The following DAPK1 variants were observed in gnomAD, a reference collection of about 807,000 sequenced individuals.
DAPK1 encodes the protein death associated protein kinase 1.
Under a neutral mutation model 144.9 loss-of-function variants are expected in DAPK1, and 56 were observed. That is an observed-to-expected ratio of 0.39 (90% CI 0.31 to 0.48). The LOEUF is 0.48. Among genes scored for constraint, DAPK1 ranks in the 20% least tolerant of loss-of-function variants. The pLI is 0.95. For synonymous variants in DAPK1, 690 were observed against 749.0 expected, an observed-to-expected ratio of 0.92 and a Z score of 1.29; for missense variants, 1,454 against 1,875.4, an observed-to-expected ratio of 0.78 and a Z score of 4.15.
At chr9:87,649,693 A>T (rs1194554237) in intron 15 of DAPK1, among the ~76,000 whole-genome samples, 2 of 152,232 alleles carry the variant, frequency 1.3e-5, no homozygotes, top group African/African-American at 4.8e-5. Context: ...GTGTTGAGGA[A>T]GGAAAACTAA....
chr9:87,651,472 C>G (rs142703081), intron 16 of DAPK1, 55 bp from the exon 17 acceptor site: 1 of 1,558,694 alleles, frequency 6.4e-7, no homozygotes, highest in East Asian at 2.2e-5. Flanking sequence ...GGTGAAGAGA[C>G]GGAGGCCACA....
In DAPK1 at chr9:87,600,430, G is replaced by C. The variant is rs1828475803; in HGVS notation, c.63-4524G>C. On this transcript the variant is annotated intron_variant, in intron 2 of 25. Coordinates refer to ENST00000408954, the MANE Select transcript of DAPK1 (RefSeq NM_004938.4). ...AGCGAGACTCTATCTCTGCAAAAAA[G>C]AAAAAAAAGAAAATTAGCTGGGTGT... 2.0e-5 allele frequency among the ~76,000 whole-genome samples: 3 copies of C among 151,674 alleles called. No homozygotes were observed. In the South Asian group the frequency reaches 6.2e-4, roughly 32 times the overall value.
At chr9:87,508,631 C>T (rs1315349427) in intron 2 of DAPK1, among the ~76,000 whole-genome samples, 9 of 152,252 alleles carry the variant, frequency 5.9e-5, no homozygotes, top group African/African-American at 1.7e-4. Context: ...CGTGAGCCAC[C>T]GTGCCCGGCC....
At chr9:87,625,980 A>G (rs1829477077) in intron 3 of DAPK1, among the ~76,000 whole-genome samples, 1 of 152,224 alleles carries the variant, frequency 6.6e-6, no homozygotes, top group African/African-American at 2.4e-5. Context: ...AAATGGGCAA[A>G]GGATGTGGAC....
chr9:87,700,234 T>G lies in DAPK1; in HGVS notation c.2868T>G (p.Val956=), dbSNP rs1282172107. Residue 956 remains valine (V), a synonymous_variant, in exon 24 of 26, where the codon GTT becomes GTG. Coordinates refer to ENST00000408954, the MANE Select transcript of DAPK1 (RefSeq NM_004938.4). Reference sequence around the variant, plus strand: ...TGCAAGAAATACGAAGCCAGATTGTTTCGGTAAGTACACCATGGAAAGAGC... The same window carrying G: ...TGCAAGAAATACGAAGCCAGATTGTGTCGGTAAGTACACCATGGAAAGAGC... ...NHLQEIRSQI[V]SVCPPMTHLC... 1 of 1,612,180 alleles carries G rather than the reference T, an allele frequency of 6.2e-7. No homozygotes were observed. Among genetic ancestry groups the G allele is most frequent in the South Asian group, 1.1e-5 (1 of 91,044 alleles).
chr9:87,690,323 G>C (rs1461958514), intron 21 of DAPK1, among the ~76,000 whole-genome samples: 5 of 152,006 alleles, frequency 3.3e-5, no homozygotes, highest in Admixed American at 2.0e-4. Context: ...TTGATGTATA[G>C]AAAGGCTACT....
intron 17 of DAPK1, among the ~76,000 whole-genome samples, chr9:87,655,979 C>T (rs776487844): frequency 2.0e-5 from 3 of 152,244 alleles, no homozygotes; most frequent in Non-Finnish European, 4.4e-5. Context: ...GCTTTGCCCT[C>T]AGGCTACTTT....
At position 87,707,236 on chromosome 9, in the gene DAPK1, G is replaced by A. The variant is rs868855248; in HGVS notation, c.4165G>A (p.Ala1389Thr). The change falls in exon 26 of 26, where the codon GCA becomes ACA. Residue 1389 changes from alanine (A) to threonine (T), a missense_variant. Physicochemically the swap from Ala to Thr is moderately conservative, Grantham distance 58. Around this residue, in one of 2 missense-constraint regions of DAPK1, gnomAD observed 1,025 missense variants for 1,237.9 expected, o/e 0.83. Transcript: ENST00000408954. This position sits in a 1 kb window ranked among gnomAD's most constrained non-coding sequence, Gnocchi z 4.0. ...GAGGGAGCTGGGTCGCCGGGATGCC[G>A]CAGACTTTTTGCTGAAGGCATCCTC... ...KLRELGRRDA[A>T]DFLLKASSVF... 8.7e-6 allele frequency: 14 copies of A among 1,613,952 alleles called. No individual in the cohort carries two copies. The highest frequency in any genetic ancestry group is 2.2e-5 in the East Asian group (1 of 44,892).
At chr9:87,567,448 C>T (rs1028011941) in intron 2 of DAPK1, among the ~76,000 whole-genome samples, 5 of 152,130 alleles carry the variant, frequency 3.3e-5, no homozygotes, top group Non-Finnish European at 5.9e-5. Flanking sequence ...TTCACCCTTC[C>T]TCGATGTCTT....
intron 3 of DAPK1, among the ~76,000 whole-genome samples, chr9:87,636,377 C>A (rs1829895014): frequency 6.6e-6 from 1 of 152,158 alleles, no homozygotes; most frequent in African/African-American, 2.4e-5. Flanking sequence ...TCCCCGTAAA[C>A]CAGTGGGAGG....
chr9:87,529,755 A>C (rs1433008171), intron 2 of DAPK1, among the ~76,000 whole-genome samples: 1 of 152,238 alleles, frequency 6.6e-6, no homozygotes, highest in Admixed American at 6.5e-5. Flanking sequence ...AGAAGCCACC[A>C]GACCCAAGGG....
chr9:87,603,374 C>T (rs972961537), intron 2 of DAPK1, among the ~76,000 whole-genome samples: 5 of 152,108 alleles, frequency 3.3e-5, no homozygotes, highest in Admixed American at 6.6e-5. Flanking sequence ...TACAGGCAGT[C>T]GGTGCTGGCA....
chr9:87,583,616 C>A (rs1827830645), intron 2 of DAPK1, among the ~76,000 whole-genome samples: 1 of 152,200 alleles, frequency 6.6e-6, no homozygotes, highest in Non-Finnish European at 1.5e-5. Context: ...CCTTCCCCTT[C>A]ATCTCCCCAC....
At chr9:87,556,629 T>C (rs570452031) in intron 2 of DAPK1, among the ~76,000 whole-genome samples, 23 of 152,302 alleles carry the variant, frequency 1.5e-4, no homozygotes, top group African/African-American at 5.5e-4. Context: ...TCAGCTACCC[T>C]TTCACAGAGC....
Position 87,686,775 on chromosome 9 carries a change from T to C in DAPK1, c.2413+36T>C. 1 of 1,518,386 alleles carries C rather than the reference T, an allele frequency of 6.6e-7. No homozygotes were observed. Among genetic ancestry groups the C allele is most frequent in the Non-Finnish European group, 9.1e-7 (1 of 1,100,338 alleles). The allele number at this position is 1,518,386 out of a possible 1,614,324, so 94.1% of individuals were successfully genotyped here. ...CCTGCCCCAAGGGAAGGACCTCAGG[T>C]TTCCCTTCAACAGGGTTGTAAGTCA... On this transcript the variant is annotated intron_variant, in intron 21 of 25. Coordinates refer to ENST00000408954, the MANE Select transcript of DAPK1 (RefSeq NM_004938.4). The surrounding 1 kb of genome is among the most constrained non-coding windows in gnomAD (Gnocchi z 4.2).
intron 14 of DAPK1, among the ~76,000 whole-genome samples, chr9:87,647,769 A>G (rs1830321500): frequency 6.6e-6 from 1 of 152,202 alleles, no homozygotes; most frequent in Non-Finnish European, 1.5e-5. Context: ...TCTTCTTTGA[A>G]GTGGCTGACA....
In DAPK1 at chr9:87,639,757, A is replaced by C. The variant is rs1005141315; in HGVS notation, c.603-32A>C. 1.9e-6 allele frequency: 3 copies of C among 1,612,626 alleles called. No individual in the cohort carries two copies. The African/African-American group carries it at 4.0e-5, about 22-fold the overall frequency. ...TGATTTATTTGACTATTCTTCTGAC[A>C]TGTTTTTTTGTTTGTTTTGTGTTGT... is the stretch of plus-strand genomic sequence containing the variant. On this transcript the variant is annotated intron_variant, in intron 6 of 25. Transcript: ENST00000408954.
At chr9:87,674,303 A>G (rs1824280276) in intron 19 of DAPK1, among the ~76,000 whole-genome samples, 1 of 152,090 alleles carries the variant, frequency 6.6e-6, no homozygotes, top group Admixed American at 6.5e-5. Context: ...GTTGAAAACC[A>G]GCCTGGCCAA....
intron 2 of DAPK1, among the ~76,000 whole-genome samples, chr9:87,603,131 T>A (rs1231787708): frequency 6.6e-6 from 1 of 152,080 alleles, no homozygotes; most frequent in African/African-American, 2.4e-5. Context: ...TGGGTCCTTT[T>A]GAATCTGCCT....
Sources: gnomAD v4.1 joint callset for allele counts (sites outside exome capture counted in the v4.1 genomes callset) on GRCh38, gnomAD v4.1.1 for gene constraint, gnomAD v4.1.1 regional missense constraint, Gnocchi (gnomAD v3.1) non-coding constraint, MANE v1.5 for transcripts, NCBI Gene and HGNC (gene_info 2026-07-23, HGNC 2026-07-21) for gene names.